The following FAM204A variants were observed in gnomAD, a reference collection of about 807,000 sequenced individuals.
FAM204A encodes the protein protein FAM204A.
Under a neutral mutation model 35.4 loss-of-function variants are expected in FAM204A, and 16 were observed. The ratio of observed to expected loss-of-function variants is 0.45; its 90% CI spans 0.31 to 0.69. The LOEUF (loss-of-function observed/expected upper bound fraction) is 0.69, where lower values mean the gene tolerates loss of function less well. Ranked by LOEUF, FAM204A falls within the 30% of genes least tolerant of loss-of-function variation. The pLI, the probability that FAM204A is intolerant of heterozygous loss-of-function variation, is 0.07. For missense variants in FAM204A, 240 were observed against 265.7 expected (o/e 0.90, Z 0.67); for synonymous variants, 76 against 86.9 (o/e 0.88, Z 0.70).
rs1284398956 is a variant in FAM204A at position 118,301,962 on chromosome 10, T to C, written c.*8895A>G. 2 of 152,646 alleles carry C rather than the reference T, an allele frequency of 1.3e-5. No individual in the cohort carries two copies. Among genetic ancestry groups the C allele is most frequent in the East Asian group, 3.9e-4 (2 of 5,194 alleles). The allele number at this position is 152,646 out of a possible 1,614,324, so 9.5% of individuals were successfully genotyped here. On this transcript the variant is annotated 3_prime_UTR_variant, in exon 9 of 9. Transcript: ENST00000369183. Reference sequence around the variant, plus strand: ...CTCCGTCCTTTTTCTCCAAAGTTTATCACCATATGAGAGTCCAGTGGTTCT... The same window carrying C: ...CTCCGTCCTTTTTCTCCAAAGTTTACCACCATATGAGAGTCCAGTGGTTCT...
At chr10:118,314,640 T>C (rs1846002977) in intron 7 of FAM204A, among the ~76,000 whole-genome samples, 2 of 152,184 alleles carry the variant, frequency 1.3e-5, no homozygotes, top group Non-Finnish European at 2.9e-5. Flanking sequence ...TGCATCTTCA[T>C]GCTCAATGTA....
intron 6 of FAM204A, among the ~76,000 whole-genome samples, chr10:118,329,931 C>T (rs893312318): frequency 5.3e-5 from 8 of 152,020 alleles, no homozygotes; most frequent in Non-Finnish European, 1.2e-4. Flanking sequence ...AGTAATAATG[C>T]CCCTATGGTT....
At chr10:118,329,996 AAT>A (rs765248753) in intron 6 of FAM204A, among the ~76,000 whole-genome samples, 5 of 152,178 alleles carry the variant, frequency 3.3e-5, no homozygotes, top group East Asian at 1.9e-4. Flanking sequence ...CTGGTACTAG[AAT>A]ATATACATTC....
chr10:118,336,344 C>T lies in FAM204A; in HGVS notation c.72G>A (p.Thr24=), dbSNP rs748820757. The T allele has an allele frequency of 5.6e-6, 9 of 1,613,844 alleles. No individual in the cohort carries two copies. Among genetic ancestry groups the T allele is most frequent in the East Asian group, 2.2e-5 (1 of 44,894 alleles). Residue 24 remains threonine, a synonymous_variant, in exon 3 of 9, where the codon ACG becomes ACA. Coordinates refer to ENST00000369183, the MANE Select transcript of FAM204A (RefSeq NM_022063.3). The stretch of plus-strand genomic sequence containing the variant: ...GTAAGTTAAGTCCAGAGTTCTCCAA[C>T]GTAGCTTCATCTTCCGAGTTTGACT... ...DAESNSEDEA[T]LENSGLNLQE...
At chr10:118,336,888 GGCGTCTTGTCTAAGGA>G (rs1459263079) in intron 2 of FAM204A, among the ~76,000 whole-genome samples, 1 of 152,102 alleles carries the variant, frequency 6.6e-6, no homozygotes, top group Non-Finnish European at 1.5e-5. Flanking sequence ...GCTTTCAGAG[GGCGTCTTGTCTAAGGA>G]GCAGGAAAAT....
rs79540241 is a variant in FAM204A at position 118,311,092 on chromosome 10, G to A, written c.650+115C>T. On this transcript the variant is annotated intron_variant, in intron 8 of 8. Coordinates refer to ENST00000369183, the MANE Select transcript of FAM204A (RefSeq NM_022063.3). ...ATTTATAATCTGATAAACATTCAACGAAGAAAAAAATGTAAAATGAGTTAA... is the reference window on the plus strand; with the variant it reads ...ATTTATAATCTGATAAACATTCAACAAAGAAAAAAATGTAAAATGAGTTAA... The A allele has an allele frequency of 4.9e-3, 5,426 of 1,103,170 alleles. 193 individuals carry two copies. The African/African-American group carries it at 0.077, about 16-fold the overall frequency. 68.3% of individuals were successfully genotyped at this position (1,103,170 alleles called of 1,614,324 possible). A position where few individuals can be genotyped will look rare whatever the true frequency, so the allele number is the denominator to read the frequency against.
In FAM204A at chr10:118,309,467, C is replaced by CATTATATATGTCAG. The variant is rs1845913603; in HGVS notation, c.*1389_*1390insCTGACATATATAAT. 6.6e-6 allele frequency: 1 copy of CATTATATATGTCAG among 152,164 alleles called. No homozygotes were observed. The allele number at this position is 152,164 out of a possible 1,614,324, so 9.4% of individuals were successfully genotyped here. On this transcript the variant is annotated 3_prime_UTR_variant, in exon 9 of 9. Transcript: ENST00000369183. The stretch of plus-strand genomic sequence containing the variant: ...CAACCCAGAGAAAGTTTATATCAGA[C>CATTATATATGTCAG]AGGTAGGAAACCTCTGACAACGACA...
In FAM204A at chr10:118,298,923, A is replaced by G. The variant is rs1845778093; in HGVS notation, c.*11934T>C. ...AATAAAACAATCTAAGAAGGCAGAT[A>G]ATGTTTAATGGAAAAGGGCAGCGAT... is the stretch of plus-strand genomic sequence containing the variant. On this transcript the variant is annotated 3_prime_UTR_variant, in exon 9 of 9. Coordinates refer to ENST00000369183, the MANE Select transcript of FAM204A (RefSeq NM_022063.3). 1 of 152,204 alleles carries G rather than the reference A, an allele frequency of 6.6e-6. No individual in the cohort carries two copies. Among genetic ancestry groups the G allele is most frequent in the South Asian group, 2.1e-4 (1 of 4,822 alleles). The allele number at this position is 152,204 out of a possible 1,614,324, so 9.4% of individuals were successfully genotyped here. A position where few individuals can be genotyped will look rare whatever the true frequency, so the allele number is the denominator to read the frequency against.
At chr10:118,325,924 T>A (rs1176330700) in intron 7 of FAM204A, among the ~76,000 whole-genome samples, 1 of 152,158 alleles carries the variant, frequency 6.6e-6, no homozygotes, top group East Asian at 1.9e-4. Flanking sequence ...TCAGTATCAA[T>A]CATGGATTAT....
intron 7 of FAM204A, among the ~76,000 whole-genome samples, chr10:118,324,493 G>A (rs1322986233): frequency 6.6e-6 from 1 of 152,176 alleles, no homozygotes; most frequent in Non-Finnish European, 1.5e-5. Context: ...ATACAATGGA[G>A]TATTATTCAG....
At chr10:118,334,685 A>T (rs1317818870) in intron 6 of FAM204A, among the ~76,000 whole-genome samples, 1 of 152,164 alleles carries the variant, frequency 6.6e-6, no homozygotes, top group Non-Finnish European at 1.5e-5. Context: ...CTGCCTCTGT[A>T]ATCATATAGT....
At chr10:118,311,482 A>G (rs530605938) in intron 7 of FAM204A, 169 bp from the exon 8 acceptor site, 25 of 583,736 alleles carry the variant, frequency 4.3e-5, no homozygotes, top group African/African-American at 3.6e-4. Flanking sequence ...GACAGGACCC[A>G]TATCTCCCGT....
At position 118,299,467 on chromosome 10, in the gene FAM204A, G is replaced by A. The variant is rs1320017339; in HGVS notation, c.*11390C>T. 1.5e-5 allele frequency: 2 copies of A among 137,726 alleles called. No individual in the cohort carries two copies. The highest frequency in any genetic ancestry group is 4.5e-4 in the East Asian group (2 of 4,462). 8.5% of individuals were successfully genotyped at this position (137,726 alleles called of 1,614,324 possible). A position where few individuals can be genotyped will look rare whatever the true frequency, so the allele number is the denominator to read the frequency against. ...TGCGATCACGGCTCACTGCAGCCTC[G>A]ACCTCTCGGGTTTAAGTAATCCTCC... On this transcript the variant is annotated 3_prime_UTR_variant, in exon 9 of 9. Transcript: ENST00000369183.
At position 118,307,895 on chromosome 10, in the gene FAM204A, T is replaced by C. The variant is rs1217178700; in HGVS notation, c.*2962A>G. ...ATCCTAAAAAAATAAGTGTTTAAAA[T>C]ATGCAGTTTGAGATTTATGATCAGT... On this transcript the variant is annotated 3_prime_UTR_variant, in exon 9 of 9. Coordinates refer to ENST00000369183, the MANE Select transcript of FAM204A (RefSeq NM_022063.3). 1 of 152,246 alleles carries C rather than the reference T, an allele frequency of 6.6e-6. No homozygotes were observed. Among genetic ancestry groups the C allele is most frequent in the African/African-American group, 2.4e-5 (1 of 41,470 alleles). The allele number at this position is 152,246 out of a possible 1,614,324, so 9.4% of individuals were successfully genotyped here. A position where few individuals can be genotyped will look rare whatever the true frequency, so the allele number is the denominator to read the frequency against.
chr10:118,327,977 A>G (rs1022899708), intron 6 of FAM204A, among the ~76,000 whole-genome samples: 6 of 152,148 alleles, frequency 3.9e-5, no homozygotes, highest in African/African-American at 1.4e-4. Context: ...AAACAACAAC[A>G]AAACAGTTTT....
Position 118,310,745 on chromosome 10 carries a change from G to T in FAM204A, c.*112C>A. ...TGATAATCAAAATCCCAAATTTTAT[G>T]CTTATTTTTGTTTTAGTGCTATCAA... On this transcript the variant is annotated 3_prime_UTR_variant, in exon 9 of 9. Transcript: ENST00000369183. 1.1e-6 allele frequency: 1 copy of T among 881,264 alleles called. No homozygotes were observed. Among genetic ancestry groups the T allele is most frequent in the Non-Finnish European group, 1.8e-6 (1 of 557,084 alleles). 54.6% of individuals were successfully genotyped at this position (881,264 alleles called of 1,614,324 possible).
rs868665750 is a variant in FAM204A at position 118,310,517 on chromosome 10, C to T, written c.*340G>A. ...AAAAAAAAAAAAAAGAAAGAAAGTA[C>T]GAGAAGCTCACTGGCTGTGCTAAAC... On this transcript the variant is annotated 3_prime_UTR_variant, in exon 9 of 9. Transcript: ENST00000369183. 1.2e-4 allele frequency: 24 copies of T among 200,480 alleles called. No individual in the cohort carries two copies. The South Asian group carries it at 2.8e-3, about 23-fold the overall frequency. The allele number at this position is 200,480 out of a possible 1,614,324, so 12.4% of individuals were successfully genotyped here.
At chr10:118,320,467 A>G (rs1368609329) in intron 7 of FAM204A, among the ~76,000 whole-genome samples, 2 of 151,948 alleles carry the variant, frequency 1.3e-5, no homozygotes, top group Non-Finnish European at 2.9e-5. Context: ...TTCAATGATC[A>G]TTATCAATGA....
intron 7 of FAM204A, among the ~76,000 whole-genome samples, chr10:118,324,083 A>T (rs2133278839): frequency 6.6e-6 from 1 of 152,282 alleles, no homozygotes; most frequent in African/African-American, 2.4e-5. Context: ...AATTCACTTT[A>T]TTAAAATGAG....
Sources: allele counts gnomAD v4.1 joint callset (sites outside exome capture counted in the v4.1 genomes callset), GRCh38; gene constraint gnomAD v4.1.1; transcripts MANE v1.5; gene names NCBI Gene and HGNC (gene_info 2026-07-23, HGNC 2026-07-21).